PNPLA1: variants seen among roughly 807,000 people sequenced by gnomAD.
PNPLA1 encodes omega-hydroxyceramide transacylase.
Under a neutral mutation model 51.7 loss-of-function variants are expected in PNPLA1, and 36 were observed. The ratio of observed to expected loss-of-function variants is 0.70; its 90% CI spans 0.53 to 0.92. The LOEUF is 0.92. Ranked by LOEUF, PNPLA1 falls within the 40% of genes least tolerant of loss-of-function variation. The probability of loss-of-function intolerance (pLI) is 0.00; values close to 1 mark genes in which losing one functional copy is unlikely to be tolerated. For synonymous variants in PNPLA1, 293 were observed against 280.1 expected, an observed-to-expected ratio of 1.05 and a Z score of -0.46; for missense variants, 658 against 682.5, an observed-to-expected ratio of 0.96 and a Z score of 0.40.
Position 36,302,457 on chromosome 6 carries a change from G to C in PNPLA1, c.1372G>C (p.Glu458Gln), listed in dbSNP as rs773875538. Reference protein sequence around the residue: ...AQPPVEELGQEQPQAVALLVS... With the variant: ...AQPPVEELGQQQPQAVALLVS... ...GCCACCTGTGGAGGAACTAGGCCAA[G>C]AACAGCCCCAAGGTATGGACCCTTC... The change falls in exon 6 of 9, where the codon GAA becomes CAA. Residue 458 changes from glutamate to glutamine, a missense_variant. Transcript: ENST00000636260. The C allele has an allele frequency of 1.3e-6, 2 of 1,544,622 alleles. No homozygotes were observed. Among genetic ancestry groups the C allele is most frequent in the East Asian group, 4.5e-5 (2 of 44,414 alleles).
In PNPLA1 at chr6:36,294,439, C is replaced by A; in HGVS notation, c.714+40C>A. ...GGGTCTGGGGAGTAGCAGAAGGTACCAGGGACTAGGGGTGGGGTTAGAGAG... is the reference window on the plus strand; with the variant it reads ...GGGTCTGGGGAGTAGCAGAAGGTACAAGGGACTAGGGGTGGGGTTAGAGAG... On this transcript the variant is annotated intron_variant, in intron 4 of 8. Coordinates refer to ENST00000636260, the MANE Select transcript of PNPLA1 (RefSeq NM_001374623.1). The surrounding 1 kb of genome is among the most constrained non-coding windows in gnomAD (Gnocchi z 4.2). The A allele has an allele frequency of 6.3e-7, 1 of 1,584,214 alleles. No homozygotes were observed. The highest frequency in any genetic ancestry group is 8.7e-7 in the Non-Finnish European group (1 of 1,155,836).
chr6:36,300,832 G>T (rs1771019410), intron 5 of PNPLA1, among the ~76,000 whole-genome samples: 1 of 152,148 alleles, frequency 6.6e-6, no homozygotes, highest in Non-Finnish European at 1.5e-5. Context: ...CTTCCTAAAG[G>T]GTCAAGCATC....
At chr6:36,301,120 C>T (rs1771030301) in intron 5 of PNPLA1, among the ~76,000 whole-genome samples, 1 of 132,152 alleles carries the variant, frequency 7.6e-6, no homozygotes, top group Non-Finnish European at 1.6e-5. Flanking sequence ...CCCCGCCCCC[C>T]CACCCACCCA....
intron 5 of PNPLA1, among the ~76,000 whole-genome samples, chr6:36,296,069 A>G (rs1450889188): frequency 6.6e-6 from 1 of 152,192 alleles, no homozygotes; most frequent in Non-Finnish European, 1.5e-5. Context: ...TCAGCACTGT[A>G]GGAGGGCAAG....
At chr6:36,283,537 G>A (rs1272263318) in intron 1 of PNPLA1, among the ~76,000 whole-genome samples, 1 of 152,184 alleles carries the variant, frequency 6.6e-6, no homozygotes, top group African/African-American at 2.4e-5. Context: ...TGGTGCACCT[G>A]TAGCCCCAGC....
chr6:36,293,244 G>A, intron 3 of PNPLA1, 118 bp downstream of exon 3: 2 of 1,019,510 alleles, frequency 2.0e-6, no homozygotes, highest in Non-Finnish European at 3.0e-6. Context: ...ACCTAGAGTT[G>A]GAGAGTTTCT....
At chr6:36,287,755 AACACACACACACACAC>A (rs57750301) in intron 1 of PNPLA1, among the ~76,000 whole-genome samples, 19 of 148,228 alleles carry the variant, frequency 1.3e-4, no homozygotes, top group South Asian at 2.2e-4. Context: ...GACAGACAGA[AACACACACACACACAC>A]ACACACACAC....
chr6:36,255,789 T>G (rs1000128739), intron 1 of PNPLA1, among the ~76,000 whole-genome samples: 1 of 152,232 alleles, frequency 6.6e-6, no homozygotes, highest in African/African-American at 2.4e-5. Flanking sequence ...TTTGTAGTAG[T>G]TTTTTCTTTA....
chr6:36,306,261 TCA>T (rs765435490), intron 6 of PNPLA1, 29 bp from the exon 7 acceptor site: 33 of 1,552,806 alleles, frequency 2.1e-5, no homozygotes. Flanking sequence ...CCTCCCCATC[TCA>T]CTCCCGTTTC....
At chr6:36,270,966 C>T (rs753318857) in intron 1 of PNPLA1, among the ~76,000 whole-genome samples, 6 of 152,138 alleles carry the variant, frequency 3.9e-5, no homozygotes, top group Non-Finnish European at 4.4e-5. Flanking sequence ...GTATCTCCCT[C>T]GAACATCGAA....
chr6:36,264,603 G>T (rs1242223534), intron 1 of PNPLA1, among the ~76,000 whole-genome samples: 5 of 152,162 alleles, frequency 3.3e-5, no homozygotes, highest in African/African-American at 7.2e-5. Context: ...TATTGATTAG[G>T]AAACAGTTTG....
chr6:36,247,747 C>T (rs1162657988), intron 1 of PNPLA1, among the ~76,000 whole-genome samples: 2 of 152,176 alleles, frequency 1.3e-5, no homozygotes, highest in African/African-American at 4.8e-5. Flanking sequence ...CCATTCTTTC[C>T]TAATTAGCTC....
At chr6:36,272,774 G>C (rs1282441607) in intron 1 of PNPLA1, among the ~76,000 whole-genome samples, 2 of 152,166 alleles carry the variant, frequency 1.3e-5, no homozygotes, top group African/African-American at 2.4e-5. Context: ...GCCCAAGCAG[G>C]GTGCCTTCCT....
intron 5 of PNPLA1, among the ~76,000 whole-genome samples, chr6:36,297,190 C>T (rs559006596): frequency 6.6e-6 from 1 of 152,294 alleles, no homozygotes; most frequent in South Asian, 2.1e-4. Context: ...GGAACAGATA[C>T]AACTCCTAAA....
At chr6:36,310,209 T>C (rs2127357671) in intron 8 of PNPLA1, among the ~76,000 whole-genome samples, 1 of 152,322 alleles carries the variant, frequency 6.6e-6, no homozygotes. Context: ...GGCTGCAGGC[T>C]GGGTTAAGTC....
chr6:36,300,174 T>A (rs1161922529), intron 5 of PNPLA1, among the ~76,000 whole-genome samples: 13 of 71,446 alleles, frequency 1.8e-4, no homozygotes, highest in African/African-American at 5.1e-4. Flanking sequence ...TGTGTGTGTG[T>A]GTGTGAGAGA....
chr6:36,310,734 C>T (rs763760115), intron 8 of PNPLA1, among the ~76,000 whole-genome samples: 11 of 152,140 alleles, frequency 7.2e-5, no homozygotes, highest in Admixed American at 2.0e-4. Flanking sequence ...ATACAGCCTA[C>T]GAGGGTGGTG....
chr6:36,248,656 T>G (rs1007792849), intron 1 of PNPLA1, among the ~76,000 whole-genome samples: 2 of 152,044 alleles, frequency 1.3e-5, no homozygotes, highest in Non-Finnish European at 2.9e-5. Context: ...GTAGCTGGGA[T>G]TACAGGCACA....
chr6:36,282,242 G>GAA (rs1722610705), intron 1 of PNPLA1, among the ~76,000 whole-genome samples: 48 of 151,016 alleles, frequency 3.2e-4, no homozygotes, highest in Admixed American at 3.2e-3. Flanking sequence ...AGGAAAGAAA[G>GAA]AAAGAAGGAA....
Sources: allele counts gnomAD v4.1 joint callset (sites outside exome capture counted in the v4.1 genomes callset), GRCh38; gene constraint gnomAD v4.1.1; non-coding constraint Gnocchi (gnomAD v3.1); transcripts MANE v1.5; gene names NCBI Gene and HGNC (gene_info 2026-07-23, HGNC 2026-07-21).